Variants in CA10 observed in about 807,000 individuals in gnomAD.
CA10 encodes carbonic anhydrase-related protein 10.
A neutral mutation model predicts 44.2 loss-of-function variants in CA10; 14 were observed. That is an observed-to-expected ratio of 0.32 (90% CI 0.21 to 0.50). The LOEUF (loss-of-function observed/expected upper bound fraction) is 0.50, where lower values mean the gene tolerates loss of function less well. CA10 is among the 20% of genes least tolerant of loss of function. CA10 has a pLI of 0.99. For missense variants in CA10, 350 were observed against 409.7 expected (o/e 0.85, Z 1.26); for synonymous variants, 159 against 141.6 (o/e 1.12, Z -0.87).
At chr17:52,113,392 TC>T (rs1312951457) in intron 1 of CA10, among the ~76,000 whole-genome samples, 1 of 152,146 alleles carries the variant, frequency 6.6e-6, no homozygotes, top group African/African-American at 2.4e-5. Flanking sequence ...AGGTCAGTGT[TC>T]TGAGTTCTAA....
chr17:51,774,922 A>G (rs1285595172), intron 3 of CA10, among the ~76,000 whole-genome samples: 1 of 152,130 alleles, frequency 6.6e-6, no homozygotes, highest in African/African-American at 2.4e-5. Context: ...TTCTCCAAGC[A>G]CTTATAAGTA....
intron 4 of CA10, among the ~76,000 whole-genome samples, chr17:51,654,267 C>T (rs947623924): frequency 2.6e-5 from 4 of 152,230 alleles, no homozygotes; most frequent in Non-Finnish European, 5.9e-5. Flanking sequence ...CTGTCCCGGT[C>T]ATCTGGTTGT....
intron 2 of CA10, among the ~76,000 whole-genome samples, chr17:51,960,405 A>G (rs1268368143): frequency 6.6e-6 from 1 of 152,086 alleles, no homozygotes; most frequent in African/African-American, 2.4e-5. Flanking sequence ...TGGGAGGCTG[A>G]GAAACACCCC....
At chr17:51,958,601 G>T (rs957748247) in intron 2 of CA10, among the ~76,000 whole-genome samples, 5 of 152,132 alleles carry the variant, frequency 3.3e-5, no homozygotes, top group African/African-American at 1.2e-4. Flanking sequence ...TTATATTTTT[G>T]AAACAGTTGT....
At chr17:51,821,841 G>A (rs369500521) in intron 3 of CA10, among the ~76,000 whole-genome samples, 2 of 152,116 alleles carry the variant, frequency 1.3e-5, no homozygotes, top group Non-Finnish European at 1.5e-5. Context: ...TTTGACTCCC[G>A]ATTCTGTTAT....
At chr17:52,068,760 C>T (rs1987601207) in intron 2 of CA10, among the ~76,000 whole-genome samples, 1 of 152,170 alleles carries the variant, frequency 6.6e-6, no homozygotes, top group Non-Finnish European at 1.5e-5. Flanking sequence ...CTCCATTTTG[C>T]CATCTTAGTG....
chr17:51,781,579 C>T (rs1306146301), intron 3 of CA10, among the ~76,000 whole-genome samples: 1 of 152,152 alleles, frequency 6.6e-6, no homozygotes, highest in Non-Finnish European at 1.5e-5. Context: ...TCATTTCCTC[C>T]ACTGGACTTT....
intron 4 of CA10, among the ~76,000 whole-genome samples, chr17:51,658,262 T>C (rs1211668902): frequency 6.6e-6 from 1 of 152,170 alleles, no homozygotes; most frequent in East Asian, 1.9e-4. Flanking sequence ...TCAAAAAATC[T>C]TTGAGGGCCA....
intron 3 of CA10, among the ~76,000 whole-genome samples, chr17:51,928,276 C>A (rs998208234): frequency 1.3e-5 from 2 of 152,010 alleles, no homozygotes; most frequent in African/African-American, 4.8e-5. Flanking sequence ...TGACTGCAAC[C>A]TGTCACATGA....
At chr17:52,048,878 T>C (rs1323161067) in intron 2 of CA10, among the ~76,000 whole-genome samples, 1 of 151,964 alleles carries the variant, frequency 6.6e-6, no homozygotes. Flanking sequence ...GGGAGGTCAT[T>C]GAAGGTTTTC....
rs11441373 is a variant in CA10, at chr17:51,774,445, C to CTT, written c.280-26629_280-26628dup. 7.8e-3 allele frequency among the ~76,000 whole-genome samples: 1,137 copies of CTT among 146,424 alleles called. 16 individuals are homozygous for CTT. The highest frequency in any genetic ancestry group is 0.02 in the African/African-American group (801 of 39,830). ...GTGGAAACCTTGCTTCATTTAAGGT[C>CTT]TTTTTTTTTTTTGAGGTGGAGTCTC... On this transcript the variant is annotated intron_variant, in intron 3 of 8. Coordinates refer to ENST00000451037, the MANE Select transcript of CA10 (RefSeq NM_020178.5).
At chr17:51,748,800 GT>G (rs2143609142) in intron 3 of CA10, among the ~76,000 whole-genome samples, 1 of 152,334 alleles carries the variant, frequency 6.6e-6, no homozygotes, top group African/African-American at 2.4e-5. Context: ...TTCATTAGAT[GT>G]GGTTTTCATA....
chr17:51,775,421 G>A (rs1253657282), intron 3 of CA10, among the ~76,000 whole-genome samples: 1 of 152,154 alleles, frequency 6.6e-6, no homozygotes, highest in Non-Finnish European at 1.5e-5. Flanking sequence ...CCTGACTCCT[G>A]GGTCTTTCTC....
chr17:51,772,978 C>T (rs2143660387), intron 3 of CA10, among the ~76,000 whole-genome samples: 2 of 152,274 alleles, frequency 1.3e-5, no homozygotes, highest in Middle Eastern at 6.8e-3. Flanking sequence ...ACAACACTCA[C>T]ACACAGCATG....
chr17:52,059,861 C>T (rs1987334412), intron 2 of CA10, among the ~76,000 whole-genome samples: 1 of 152,098 alleles, frequency 6.6e-6, no homozygotes, highest in Non-Finnish European at 1.5e-5. Flanking sequence ...GGTTTACATA[C>T]AATTTTGTAG....
intron 2 of CA10, among the ~76,000 whole-genome samples, chr17:51,982,920 A>C (rs1035014189): frequency 6.6e-6 from 1 of 151,700 alleles, no homozygotes; most frequent in African/African-American, 2.4e-5. Context: ...AAATACCATC[A>C]CTCCTAAAAT....
In CA10 at chr17:52,134,771, C is replaced by G. The variant is rs552349562; in HGVS notation, c.61+22955G>C. 282 of 471,724 alleles carry G rather than the reference C, an allele frequency of 6.0e-4. 3 individuals carry two copies. Among genetic ancestry groups the G allele is most frequent in the South Asian group, 1.8e-3 (117 of 64,162 alleles). 29.2% of individuals were successfully genotyped at this position (471,724 alleles called of 1,614,324 possible). A position where few individuals can be genotyped will look rare whatever the true frequency, so the allele number is the denominator to read the frequency against. ...TCTCTGTGTGACTCAAAGCAGAGCT[C>G]AGGTTATGCATGACAGCTGCCTCTT... On this transcript the variant is annotated intron_variant, in intron 1 of 8. Coordinates refer to ENST00000451037, the MANE Select transcript of CA10 (RefSeq NM_020178.5).
At chr17:51,803,446 C>T (rs1907013261) in intron 3 of CA10, among the ~76,000 whole-genome samples, 1 of 152,180 alleles carries the variant, frequency 6.6e-6, no homozygotes, top group Non-Finnish European at 1.5e-5. Flanking sequence ...CTCTCCAAAT[C>T]CCGGCTTCTC....
At chr17:51,660,924 C>T (rs1597969113) in intron 4 of CA10, among the ~76,000 whole-genome samples, 2 of 152,016 alleles carry the variant, frequency 1.3e-5, no homozygotes, top group Non-Finnish European at 2.9e-5. Flanking sequence ...CTTATGCTTC[C>T]CTTCCCTTAA....
Sources: gnomAD v4.1 joint callset for allele counts (sites outside exome capture counted in the v4.1 genomes callset) on GRCh38, gnomAD v4.1.1 for gene constraint, MANE v1.5 for transcripts, NCBI Gene and HGNC (gene_info 2026-07-23, HGNC 2026-07-21) for gene names.